CNTN5: variants seen among roughly 807,000 people sequenced by gnomAD.
CNTN5 encodes the protein contactin 5.
Under a neutral mutation model 129.1 loss-of-function variants are expected in CNTN5, and 77 were observed. The observed-to-expected ratio is 0.60, with a 90% CI of 0.50 to 0.72. The LOEUF (loss-of-function observed/expected upper bound fraction) is 0.72. Among genes scored for constraint, CNTN5 ranks in the 30% least tolerant of loss-of-function variants. CNTN5 has a pLI of 0.00. For synonymous variants in CNTN5, 509 were observed against 465.6 expected, an observed-to-expected ratio of 1.09 and a Z score of -1.20; for missense variants, 1,478 against 1,328.8, an observed-to-expected ratio of 1.11 and a Z score of -1.75.
At chr11:99,490,784 C>G (rs1946004970) in intron 2 of CNTN5, among the ~76,000 whole-genome samples, 1 of 152,098 alleles carries the variant, frequency 6.6e-6, no homozygotes, top group Admixed American at 6.5e-5. Context: ...TCCATGGTTT[C>G]CTATCTCTCA....
chr11:99,105,803 C>T (rs1301088087), intron 1 of CNTN5, among the ~76,000 whole-genome samples: 1 of 152,116 alleles, frequency 6.6e-6, no homozygotes, highest in East Asian at 1.9e-4. Context: ...AATAAGGAAA[C>T]CCTAGCATCC....
intron 3 of CNTN5, among the ~76,000 whole-genome samples, chr11:99,753,790 C>T (rs61911568): frequency 6.8e-6 from 1 of 146,882 alleles, no homozygotes. Flanking sequence ...TGGGTTCATG[C>T]AATTCTCATG....
intron 9 of CNTN5, among the ~76,000 whole-genome samples, chr11:100,053,871 G>A (rs1943086606): frequency 6.6e-6 from 1 of 151,646 alleles, no homozygotes; most frequent in Non-Finnish European, 1.5e-5. Flanking sequence ...TATACTCCTC[G>A]GCGATTAAAA....
In CNTN5 at chr11:100,358,120, G is replaced by A. The variant is rs971795048; in HGVS notation, c.*1900G>A. On this transcript the variant is annotated 3_prime_UTR_variant, in exon 25 of 25. Coordinates refer to ENST00000524871, the MANE Select transcript of CNTN5 (RefSeq NM_014361.4). ...GTTTACCTTTATGAATTGTGCATCT[G>A]AATAAAAGACAGAAAGAATATTTTT... 6.6e-6 allele frequency: 1 copy of A among 151,764 alleles called. No homozygotes were observed. Among genetic ancestry groups the A allele is most frequent in the African/African-American group, 2.4e-5 (1 of 41,400 alleles). 9.4% of individuals were successfully genotyped at this position (151,764 alleles called of 1,614,324 possible).
intron 9 of CNTN5, among the ~76,000 whole-genome samples, chr11:100,011,716 G>T (rs1385856905): frequency 1.3e-5 from 2 of 152,046 alleles, no homozygotes; most frequent in African/African-American, 4.8e-5. Flanking sequence ...GGGAACCAGG[G>T]TATTAAGTAT....
chr11:100,329,761 T>C (rs1321846623), intron 21 of CNTN5, among the ~76,000 whole-genome samples: 2 of 152,198 alleles, frequency 1.3e-5, no homozygotes, highest in Non-Finnish European at 2.9e-5. Flanking sequence ...GAACCCTTAT[T>C]GCTAGGGAAA....
chr11:99,755,602 T>G (rs1944380491), intron 3 of CNTN5, among the ~76,000 whole-genome samples: 2 of 152,136 alleles, frequency 1.3e-5, no homozygotes, highest in Admixed American at 1.3e-4. Flanking sequence ...TCTTTGTACA[T>G]TTTGGATGAC....
chr11:99,948,814 T>TGC (rs1451417407), intron 7 of CNTN5, among the ~76,000 whole-genome samples: 4 of 152,212 alleles, frequency 2.6e-5, no homozygotes, highest in African/African-American at 9.6e-5. Flanking sequence ...ACCCGATGCG[T>TGC]GCGCACATCC....
chr11:99,792,027 A>C (rs1204523372), intron 3 of CNTN5, among the ~76,000 whole-genome samples: 2 of 152,126 alleles, frequency 1.3e-5, no homozygotes, highest in Admixed American at 6.5e-5. Flanking sequence ...ATAGGTATAG[A>C]ATCATTTTAT....
chr11:99,284,082 A>T (rs1591468144), intron 1 of CNTN5, among the ~76,000 whole-genome samples: 1 of 152,152 alleles, frequency 6.6e-6, no homozygotes, highest in Non-Finnish European at 1.5e-5. Context: ...TACACATTCC[A>T]AGATTTAAAG....
intron 8 of CNTN5, among the ~76,000 whole-genome samples, chr11:99,971,451 G>A (rs1050251657): frequency 6.6e-6 from 1 of 151,862 alleles, no homozygotes; most frequent in Admixed American, 6.5e-5. Flanking sequence ...GCTGAGGCAG[G>A]AAAATCGCTT....
chr11:100,346,896 G>A (rs1046914888), intron 23 of CNTN5, among the ~76,000 whole-genome samples: 2 of 152,260 alleles, frequency 1.3e-5, no homozygotes, highest in East Asian at 3.9e-4. Context: ...ACGGCGGAAG[G>A]TGAAAGGAAC....
intron 18 of CNTN5, among the ~76,000 whole-genome samples, chr11:100,287,211 A>G (rs915955014): frequency 6.6e-6 from 1 of 152,236 alleles, no homozygotes; most frequent in African/African-American, 2.4e-5. Context: ...GAACTTCCCC[A>G]ATCTAGCAAG....
chr11:99,031,003 T>A (rs1863349315), intron 1 of CNTN5, among the ~76,000 whole-genome samples: 1 of 152,056 alleles, frequency 6.6e-6, no homozygotes, highest in Middle Eastern at 3.2e-3. Flanking sequence ...TTCACCGTGT[T>A]AGCCAGGATG....
intron 3 of CNTN5, among the ~76,000 whole-genome samples, chr11:99,702,091 C>A (rs1257992310): frequency 6.6e-6 from 1 of 150,952 alleles, no homozygotes; most frequent in East Asian, 1.9e-4. Flanking sequence ...AGAGATAACT[C>A]TCCTTATTAG....
At chr11:99,533,861 G>C (rs766903612) in intron 2 of CNTN5, among the ~76,000 whole-genome samples, 21 of 152,240 alleles carry the variant, frequency 1.4e-4, no homozygotes, top group Non-Finnish European at 2.8e-4. Context: ...TGTAACTGGG[G>C]CAGCTGGGGA....
intron 9 of CNTN5, among the ~76,000 whole-genome samples, chr11:100,012,168 A>G (rs1424386158): frequency 6.6e-6 from 1 of 152,178 alleles, no homozygotes; most frequent in Non-Finnish European, 1.5e-5. Flanking sequence ...TGCATTACAG[A>G]ATCAAGAAAA....
chr11:99,955,270 A>C lies in CNTN5; in HGVS notation c.674-1536A>C, dbSNP rs184099381. On this transcript the variant is annotated intron_variant, in intron 7 of 24. Transcript: ENST00000524871. Reference sequence around the variant, plus strand: ...ATTGTTAAATGTGAGAAAGCCTTGAATTTAGAGTCTACTTGAGCTGTATAA... The same window carrying C: ...ATTGTTAAATGTGAGAAAGCCTTGACTTTAGAGTCTACTTGAGCTGTATAA... 5.3e-3 allele frequency among the ~76,000 whole-genome samples: 798 copies of C among 151,752 alleles called. 5 individuals are homozygous for C. The highest frequency in any genetic ancestry group is 0.014 in the Middle Eastern group (4 of 290).
At chr11:99,578,149 G>A (rs1329246561) in intron 3 of CNTN5, among the ~76,000 whole-genome samples, 2 of 151,942 alleles carry the variant, frequency 1.3e-5, no homozygotes, top group Non-Finnish European at 2.9e-5. Context: ...CCCTACAAAG[G>A]ATGTGAACTC....
Sources: gnomAD v4.1 joint callset for allele counts (sites outside exome capture counted in the v4.1 genomes callset) on GRCh38, gnomAD v4.1.1 for gene constraint, MANE v1.5 for transcripts, NCBI Gene and HGNC (gene_info 2026-07-23, HGNC 2026-07-21) for gene names.